The following MROH2B variants were observed in gnomAD, a reference collection of about 807,000 sequenced individuals.
MROH2B encodes the protein maestro heat like repeat family member 2B.
A neutral mutation model predicts 208.6 loss-of-function variants in MROH2B; 177 were observed. The observed-to-expected ratio is 0.85, with a 90% CI of 0.75 to 0.96. The LOEUF is 0.96. MROH2B is among the 40% of genes least tolerant of loss of function. The pLI is 0.00. For missense variants in MROH2B, 2,002 were observed against 1,878.7 expected, an observed-to-expected ratio of 1.07 and a Z score of -1.21; for synonymous variants, 728 against 659.0, an observed-to-expected ratio of 1.10 and a Z score of -1.60.
chr5:41,026,591 C>G (rs974139064), intron 24 of MROH2B, among the ~76,000 whole-genome samples: 36 of 152,232 alleles, frequency 2.4e-4, no homozygotes, highest in Admixed American at 2.4e-3. Flanking sequence ...GAATCAATAT[C>G]GTGAAAATGG....
chr5:41,028,330 C>T (rs752739738), intron 24 of MROH2B, among the ~76,000 whole-genome samples: 25 of 152,184 alleles, frequency 1.6e-4, no homozygotes, highest in Non-Finnish European at 3.5e-4. Context: ...CTATAATCTA[C>T]TCACTTAGCA....
intron 24 of MROH2B, among the ~76,000 whole-genome samples, chr5:41,030,057 T>C (rs1393663599): frequency 6.6e-6 from 1 of 151,970 alleles, no homozygotes; most frequent in Non-Finnish European, 1.5e-5. Flanking sequence ...GCAAATCATA[T>C]GTCTGATAAG....
At position 41,024,036 on chromosome 5, in the gene MROH2B, A is replaced by G. The variant is rs1403364784; in HGVS notation, c.2442-5018T>C. Among the ~76,000 whole-genome samples the G allele has an allele frequency of 1.2e-4, 18 of 152,370 alleles. No individual in the cohort carries two copies. In the East Asian group the frequency reaches 3.5e-3, roughly 29 times the overall value. On this transcript the variant is annotated intron_variant, in intron 24 of 41. Coordinates refer to ENST00000399564, the MANE Select transcript of MROH2B (RefSeq NM_173489.5). ...CCCTAAAAGAGCTCCTGAAGGAAGC[A>G]CTAAACATGGTAAAGAACAACCAGT...
At chr5:41,018,451 G>T (rs754267963) in intron 26 of MROH2B, 21 bp from the exon 27 acceptor site, 1 of 1,600,326 alleles carries the variant, frequency 6.2e-7, no homozygotes, top group Non-Finnish European at 8.5e-7. Context: ...AAGAATAAAT[G>T]TTCTTTCCTT....
intron 18 of MROH2B, among the ~76,000 whole-genome samples, chr5:41,043,028 T>C (rs575803534): frequency 6.6e-6 from 1 of 152,362 alleles, no homozygotes; most frequent in African/African-American, 2.4e-5. Flanking sequence ...AACTGGCTAA[T>C]TGGTGGTCCA....
intron 24 of MROH2B, among the ~76,000 whole-genome samples, chr5:41,022,511 C>G (rs527568826): frequency 2.0e-5 from 3 of 152,190 alleles, no homozygotes; most frequent in Non-Finnish European, 1.5e-5. Context: ...GAGGGGCGCC[C>G]GCCATTGCTG....
rs946558230 is a variant in MROH2B at position 41,019,744 on chromosome 5, TAGAG to T, written c.2442-730_2442-727del. Reference sequence around the variant, plus strand: ...CACCATCAGAGAAATAAGATTCTCTTAGAGAGGAATAAAATTCAGTACCAGCTGG... The same window carrying T: ...CACCATCAGAGAAATAAGATTCTCTTAGGAATAAAATTCAGTACCAGCTGG... On this transcript the variant is annotated intron_variant, in intron 24 of 41. Transcript: ENST00000399564. Among the ~76,000 whole-genome samples, 126 of 152,320 alleles carry T rather than the reference TAGAG, an allele frequency of 8.3e-4. 1 individual carries two copies. The highest frequency in any genetic ancestry group is 2.9e-3 in the African/African-American group (119 of 41,580).
rs747456887 is a variant in MROH2B at position 40,998,756 on chromosome 5, C to T, written c.4586-79G>A. The stretch of plus-strand genomic sequence containing the variant: ...GAAAAGTATAGCAGGTTAGACTCTG[C>T]ACCTGGTGAGAAGGTAAATGGTAGG... On this transcript the variant is annotated intron_variant, in intron 40 of 41. Coordinates refer to ENST00000399564, the MANE Select transcript of MROH2B (RefSeq NM_173489.5). 4.3e-6 allele frequency: 5 copies of T among 1,162,950 alleles called. No individual in the cohort carries two copies. The East Asian group carries it at 1.0e-4, about 24-fold the overall frequency. The allele number at this position is 1,162,950 out of a possible 1,614,324, so 72.0% of individuals were successfully genotyped here.
chr5:40,998,652 G>T lies in MROH2B; in HGVS notation c.4611C>A (p.Ser1537Arg). 6.3e-7 allele frequency: 1 copy of T among 1,592,358 alleles called. No homozygotes were observed. Among genetic ancestry groups the T allele is most frequent in the Non-Finnish European group, 8.6e-7 (1 of 1,168,600 alleles). ...LTDAVVLNLTSQYVELLDREQ... is the reference protein window; with the variant it reads ...LTDAVVLNLTRQYVELLDREQ... ...CTCTGTCTAGTAACTCCACATATTG[G>T]CTGGTCAAATTGAGAACAACGGCAT... The change falls in exon 41 of 42, where the codon AGC (serine) becomes AGA (arginine). Residue 1537 changes from serine to arginine, a missense_variant. Coordinates refer to ENST00000399564, the MANE Select transcript of MROH2B (RefSeq NM_173489.5).
chr5:41,045,133 T>C (rs1384551121), intron 18 of MROH2B, among the ~76,000 whole-genome samples: 2 of 152,316 alleles, frequency 1.3e-5, no homozygotes, highest in Admixed American at 6.5e-5. Context: ...GACAGAGGGA[T>C]AGAAGAACTG....
chr5:41,059,288 C>T (rs1743565336), intron 6 of MROH2B, among the ~76,000 whole-genome samples: 1 of 151,972 alleles, frequency 6.6e-6, no homozygotes, highest in Non-Finnish European at 1.5e-5. Context: ...GTGATAAATT[C>T]TGATTATAAA....
intron 38 of MROH2B, 47 bp from the exon 39 acceptor site, chr5:41,000,398 C>A: frequency 6.2e-7 from 1 of 1,600,182 alleles, no homozygotes; most frequent in South Asian, 1.1e-5. Context: ...GTTAGGATCT[C>A]CTTCCAGAAG....
intron 11 of MROH2B, 28 bp downstream of exon 11, chr5:41,054,739 C>A: frequency 6.6e-7 from 1 of 1,518,252 alleles, no homozygotes; most frequent in Non-Finnish European, 9.0e-7. Context: ...AAGCTACCAT[C>A]GACAAGAGTT....
intron 1 of MROH2B, among the ~76,000 whole-genome samples, chr5:41,070,511 A>G (rs1045055786): frequency 2.0e-5 from 3 of 152,144 alleles, no homozygotes; most frequent in African/African-American, 7.2e-5. Context: ...GGAAATTGGG[A>G]GAAATACTTC....
intron 33 of MROH2B, 97 bp from the exon 34 acceptor site, chr5:41,007,551 C>T (rs2111820561): frequency 3.5e-6 from 4 of 1,158,996 alleles, no homozygotes; most frequent in Non-Finnish European, 4.5e-6. Flanking sequence ...TGCTTTCCCA[C>T]CCCTGGACTA....
At chr5:41,018,850 C>T in intron 25 of MROH2B, 33 bp downstream of exon 25, 3 of 1,613,778 alleles carry the variant, frequency 1.9e-6, no homozygotes, top group Non-Finnish European at 2.5e-6. Flanking sequence ...CCACTGCAGA[C>T]TGTCATCCTA....
At position 41,055,824 on chromosome 5, in the gene MROH2B, A is replaced by G. The variant is rs1225301500; in HGVS notation, c.951T>C (p.Phe317=). The G allele has an allele frequency of 6.2e-7, 1 of 1,613,868 alleles. No individual in the cohort carries two copies. Among genetic ancestry groups the G allele is most frequent in the Admixed American group, 1.7e-5 (1 of 60,022 alleles). ...AHSNPGELME[F]FDEQVRSNNE... ...TATTACTTCTTACTTGTTCATCAAA[A>G]AATTCCATCAGCTCTCCAGGATTGG... The change falls in exon 10 of 42, where the codon TTT becomes TTC. Residue 317 remains phenylalanine, a synonymous_variant. Transcript: ENST00000399564.
intron 17 of MROH2B, among the ~76,000 whole-genome samples, 169 bp downstream of exon 17, chr5:41,047,552 T>C (rs533139132): frequency 7.4e-4 from 112 of 152,314 alleles, no homozygotes; most frequent in African/African-American, 2.6e-3. Context: ...TTATGGCTAT[T>C]TAAAGAACAT....
chr5:41,067,302 A>C, intron 2 of MROH2B, 84 bp from the exon 3 acceptor site: 1 of 718,634 alleles, frequency 1.4e-6, no homozygotes, highest in Non-Finnish European at 2.5e-6. Context: ...AACACCATTA[A>C]AGTAAGCAAT....
Sources: allele counts gnomAD v4.1 joint callset (sites outside exome capture counted in the v4.1 genomes callset), GRCh38; gene constraint gnomAD v4.1.1; transcripts MANE v1.5; gene names NCBI Gene and HGNC (gene_info 2026-07-23, HGNC 2026-07-21).